The following MRPL48 variants were observed in gnomAD, a reference collection of about 807,000 sequenced individuals.
MRPL48 encodes the protein large ribosomal subunit protein mL48.
MRPL48 carries 16 observed loss-of-function variants against 32.9 expected under a neutral mutation model. The ratio of observed to expected loss-of-function variants is 0.49; its 90% CI spans 0.33 to 0.74. MRPL48 has a LOEUF of 0.74. MRPL48 is among the 30% of genes least tolerant of loss of function. MRPL48 has a pLI of 0.02. For synonymous variants in MRPL48, 94 were observed against 89.2 expected (o/e 1.05, Z -0.31); for missense variants, 206 against 245.3 (o/e 0.84, Z 1.07).
At chr11:73,807,172 C>G (rs777095298) in intron 2 of MRPL48, among the ~76,000 whole-genome samples, 5 of 151,886 alleles carry the variant, frequency 3.3e-5, no homozygotes, top group African/African-American at 7.3e-5. Context: ...GCCCAGGCTC[C>G]CCATTGTTTT....
At chr11:73,808,375 T>G (rs751084451) in intron 3 of MRPL48, 25 bp downstream of exon 3, 1 of 1,595,368 alleles carries the variant, frequency 6.3e-7, no homozygotes, top group African/African-American at 1.3e-5. Flanking sequence ...CCTGATGTAG[T>G]TGGCCTGCTT....
At chr11:73,835,258 C>T (rs975166836) in intron 4 of MRPL48, among the ~76,000 whole-genome samples, 1 of 151,422 alleles carries the variant, frequency 6.6e-6, no homozygotes, top group Non-Finnish European at 1.5e-5. Flanking sequence ...TCTCTTGCCT[C>T]AGCCTCCTGA....
chr11:73,810,398 G>A (rs950793769), intron 3 of MRPL48, among the ~76,000 whole-genome samples: 1 of 152,128 alleles, frequency 6.6e-6, no homozygotes, highest in Non-Finnish European at 1.5e-5. Context: ...GAGCATGCCT[G>A]TAATCCCAGC....
At chr11:73,826,564 T>C (rs1183526660) in intron 4 of MRPL48, among the ~76,000 whole-genome samples, 2 of 151,646 alleles carry the variant, frequency 1.3e-5, no homozygotes, top group East Asian at 3.9e-4. Context: ...CTGCAACCTT[T>C]GGCTCCCGGG....
At chr11:73,789,168 G>GA (rs34411590) in intron 1 of MRPL48, among the ~76,000 whole-genome samples, 55,543 of 151,506 alleles carry the variant, frequency 0.37, 11,192 homozygotes, top group African/African-American at 0.54. Flanking sequence ...CAAGATAATA[G>GA]AAAAAAAAAT....
intron 3 of MRPL48, among the ~76,000 whole-genome samples, chr11:73,825,322 GTA>G (rs1491026687): frequency 5.1e-4 from 69 of 134,830 alleles, no homozygotes; most frequent in African/African-American, 1.7e-3. Context: ...GTGTGTGTGT[GTA>G]TACATATTTT....
chr11:73,830,702 C>G (rs1024582938), intron 4 of MRPL48, among the ~76,000 whole-genome samples: 6 of 152,174 alleles, frequency 3.9e-5, no homozygotes, highest in Non-Finnish European at 7.4e-5. Context: ...AGTATCCAAC[C>G]CTTGTCCCAT....
At chr11:73,815,347 G>A (rs528364578) in intron 3 of MRPL48, among the ~76,000 whole-genome samples, 2 of 152,238 alleles carry the variant, frequency 1.3e-5, no homozygotes, top group East Asian at 3.9e-4. Flanking sequence ...CTGGGAGGCG[G>A]AGGTTGCGGT....
At chr11:73,820,829 CCCCCTGGGGGTAACCA>C (rs1468894570) in intron 3 of MRPL48, among the ~76,000 whole-genome samples, 2 of 152,094 alleles carry the variant, frequency 1.3e-5, no homozygotes, top group Non-Finnish European at 2.9e-5. Flanking sequence ...CCCCACTATC[CCCCCTGGGGGTAACCA>C]CTATTATAAT....
intron 5 of MRPL48, chr11:73,850,491 T>C: frequency 2.9e-6 from 1 of 344,844 alleles, no homozygotes; most frequent in Non-Finnish European, 5.5e-6. Flanking sequence ...TTGAAGTGAA[T>C]TTGACACCGT....
At chr11:73,797,601 G>T (rs1464645170) in intron 1 of MRPL48, among the ~76,000 whole-genome samples, 1 of 152,216 alleles carries the variant, frequency 6.6e-6, no homozygotes, top group Non-Finnish European at 1.5e-5. Context: ...GCCAGTGCCT[G>T]TGCCAGCACC....
chr11:73,800,756 T>A (rs1947346059), intron 1 of MRPL48, among the ~76,000 whole-genome samples: 1 of 151,652 alleles, frequency 6.6e-6, no homozygotes, highest in South Asian at 2.1e-4. Context: ...ACCGGGAGAG[T>A]TCATACCATA....
chr11:73,792,570 TAGAC>T (rs959148059), intron 1 of MRPL48, among the ~76,000 whole-genome samples: 8 of 152,160 alleles, frequency 5.3e-5, no homozygotes, highest in Admixed American at 2.0e-4. Flanking sequence ...ATACATTCAA[TAGAC>T]AGAATTAGGA....
At chr11:73,854,759 C>T (rs902232888) in intron 5 of MRPL48, among the ~76,000 whole-genome samples, 1 of 152,168 alleles carries the variant, frequency 6.6e-6, no homozygotes, top group Non-Finnish European at 1.5e-5. Flanking sequence ...CTGTAATGCC[C>T]TGGCTGCATT....
chr11:73,817,848 A>T, intron 3 of MRPL48: 1 of 390,382 alleles, frequency 2.6e-6, no homozygotes, highest in South Asian at 1.9e-5. Context: ...CTTGTGGCCC[A>T]GGCTTGAGTA....
chr11:73,840,662 G>A (rs1434129127), intron 4 of MRPL48, among the ~76,000 whole-genome samples: 1 of 152,038 alleles, frequency 6.6e-6, no homozygotes, highest in African/African-American at 2.4e-5. Context: ...ACCACGCCCA[G>A]CTAATTTTTG....
Position 73,829,299 on chromosome 11 carries a change from C to T in MRPL48, c.201+3503C>T, listed in dbSNP as rs1053265179. On this transcript the variant is annotated intron_variant, in intron 4 of 7. Coordinates refer to ENST00000310614, the MANE Select transcript of MRPL48 (RefSeq NM_016055.6). ...AAAGCAGGGTGAGGAGGGACACAGA[C>T]AAATTTCTCCTTCTAAGAAACCTTC... is the stretch of plus-strand genomic sequence containing the variant. Among the ~76,000 whole-genome samples, 6 of 152,138 alleles carry T rather than the reference C, an allele frequency of 3.9e-5. 1 individual carries two copies. The highest frequency in any genetic ancestry group is 1.2e-4 in the African/African-American group (5 of 41,446).
In MRPL48 at chr11:73,808,184, G is replaced by A; in HGVS notation, c.75-129G>A. On this transcript the variant is annotated intron_variant, in intron 2 of 7. Coordinates refer to ENST00000310614, the MANE Select transcript of MRPL48 (RefSeq NM_016055.6). ...AGGTCCTTATTAAAGTTTGTGGAAGGAAGAAAGGAAAGAAGGAGTAAGGAA... is the reference window on the plus strand; with the variant it reads ...AGGTCCTTATTAAAGTTTGTGGAAGAAAGAAAGGAAAGAAGGAGTAAGGAA... The A allele has an allele frequency of 1.4e-5, 13 of 934,548 alleles. No homozygotes were observed. In the South Asian group the frequency reaches 1.6e-4, roughly 12 times the overall value. 57.9% of individuals were successfully genotyped at this position (934,548 alleles called of 1,614,324 possible).
chr11:73,864,475 AAGTACCC>A lies in MRPL48; in HGVS notation c.*107_*113del. ...AGGAGACCCAACCCTTAGATTTCAT[AAGTACCC>A]ATTCCCATAGCCAGTAATGTCCTCA... On this transcript the variant is annotated 3_prime_UTR_variant, in exon 8 of 8. Coordinates refer to ENST00000310614, the MANE Select transcript of MRPL48 (RefSeq NM_016055.6). The A allele has an allele frequency of 8.7e-7, 1 of 1,143,720 alleles. No homozygotes were observed. Among genetic ancestry groups the A allele is most frequent in the Admixed American group, 2.0e-5 (1 of 48,820 alleles). The allele number at this position is 1,143,720 out of a possible 1,614,324, so 70.8% of individuals were successfully genotyped here.
Sources: allele counts gnomAD v4.1 joint callset (sites outside exome capture counted in the v4.1 genomes callset), GRCh38; gene constraint gnomAD v4.1.1; transcripts MANE v1.5; gene names NCBI Gene and HGNC (gene_info 2026-07-23, HGNC 2026-07-21).